LRP1B: variants seen among roughly 807,000 people sequenced by gnomAD.
The protein encoded by LRP1B is LDL receptor related protein 1B, also known as low-density lipoprotein receptor-related protein 1B.
Under a neutral mutation model 556.6 loss-of-function variants are expected in LRP1B, and 217 were observed. The observed-to-expected ratio is 0.39, with a 90% CI of 0.35 to 0.44. The LOEUF (loss-of-function observed/expected upper bound fraction) is 0.44. LRP1B is among the 20% of genes least tolerant of loss of function. The pLI, the probability that LRP1B is intolerant of heterozygous loss-of-function variation, is 1.00. For missense variants in LRP1B, 5,053 were observed against 5,620.8 expected (o/e 0.90, Z 3.23); for synonymous variants, 2,047 against 1,865.8 (o/e 1.10, Z -2.50).
intron 6 of LRP1B, among the ~76,000 whole-genome samples, chr2:141,189,075 A>G (rs893907266): frequency 1.3e-4 from 19 of 151,992 alleles, no homozygotes; most frequent in East Asian, 1.9e-4. Context: ...GTTTGAAAAA[A>G]TATCCAAAAC....
chr2:141,805,635 A>T (rs1696145244), intron 2 of LRP1B: 1 of 152,150 alleles, frequency 6.6e-6, no homozygotes, highest in African/African-American at 2.4e-5. Context: ...CGCTACTACA[A>T]CAAAGATTTG....
intron 35 of LRP1B, among the ~76,000 whole-genome samples, chr2:140,729,623 G>A (rs1687708276): frequency 2.0e-5 from 3 of 152,144 alleles, no homozygotes; most frequent in Admixed American, 2.0e-4. Context: ...AAGGCCATGT[G>A]TATTAAAGGA....
chr2:141,313,325 C>T (rs1465472462), intron 3 of LRP1B, among the ~76,000 whole-genome samples: 3 of 151,416 alleles, frequency 2.0e-5, no homozygotes, highest in African/African-American at 7.3e-5. Flanking sequence ...ATGCATACTC[C>T]TTAGAAATTT....
chr2:141,925,508 G>T (rs1700311035), intron 1 of LRP1B, among the ~76,000 whole-genome samples: 1 of 152,132 alleles, frequency 6.6e-6, no homozygotes, highest in Non-Finnish European at 1.5e-5. Flanking sequence ...AAATCTATTT[G>T]TGCTGAACAC....
intron 2 of LRP1B, among the ~76,000 whole-genome samples, chr2:141,802,357 T>A (rs1187924413): frequency 6.6e-6 from 1 of 152,106 alleles, no homozygotes; most frequent in South Asian, 2.1e-4. Context: ...ACCCAACCCC[T>A]TCTTCACCTA....
intron 30 of LRP1B, 51 bp from the exon 31 acceptor site, chr2:140,840,136 C>T: frequency 9.8e-7 from 1 of 1,022,182 alleles, no homozygotes; most frequent in Non-Finnish European, 1.5e-6. Flanking sequence ...GACCTACTCA[C>T]TGAGAAGAAA....
chr2:142,092,122 A>G (rs1559066673), intron 1 of LRP1B, among the ~76,000 whole-genome samples: 1 of 152,194 alleles, frequency 6.6e-6, no homozygotes, highest in African/African-American at 2.4e-5. Context: ...TCATCCAGGT[A>G]TCTTGTTTTC....
intron 8 of LRP1B, 82 bp from the exon 9 acceptor site, chr2:141,059,136 T>C (rs765100547): frequency 1.3e-5 from 11 of 878,122 alleles, no homozygotes; most frequent in African/African-American, 1.7e-5. Flanking sequence ...TATTTACTAG[T>C]ATGGAAAATG....
chr2:140,234,079 C>A (rs189376122), intron 90 of LRP1B, among the ~76,000 whole-genome samples: 2 of 151,170 alleles, frequency 1.3e-5, no homozygotes, highest in African/African-American at 4.8e-5. Flanking sequence ...TTTTTTGTTT[C>A]GTCTTTCCAA....
intron 60 of LRP1B, among the ~76,000 whole-genome samples, chr2:140,469,266 T>C (rs769259285): frequency 1.3e-5 from 2 of 152,136 alleles, no homozygotes; most frequent in Non-Finnish European, 2.9e-5. Context: ...GGTGCCCTTA[T>C]AAAAGAAACT....
At chr2:141,797,173 A>ATATATG (rs2105678198) in intron 2 of LRP1B, among the ~76,000 whole-genome samples, 1 of 137,202 alleles carries the variant, frequency 7.3e-6, no homozygotes, top group African/African-American at 2.8e-5. Flanking sequence ...ATATATATAT[A>ATATATG]TATATATATA....
chr2:140,390,037 G>C (rs1683946901), intron 66 of LRP1B, among the ~76,000 whole-genome samples: 1 of 152,062 alleles, frequency 6.6e-6, no homozygotes, highest in Non-Finnish European at 1.5e-5. Context: ...AGCTGAGGCA[G>C]GAGAATCACT....
chr2:141,093,102 G>A (rs1422298980), intron 7 of LRP1B, among the ~76,000 whole-genome samples: 1 of 151,476 alleles, frequency 6.6e-6, no homozygotes, highest in Non-Finnish European at 1.5e-5. Context: ...AGTCATCTAT[G>A]GGAATGATAA....
intron 1 of LRP1B, among the ~76,000 whole-genome samples, chr2:141,944,921 C>T (rs1018632283): frequency 1.2e-4 from 19 of 152,116 alleles, no homozygotes; most frequent in African/African-American, 2.4e-4. Flanking sequence ...CAAGAGTAAG[C>T]GTAGTTATCA....
At chr2:141,196,079 G>A (rs939498972) in intron 6 of LRP1B, among the ~76,000 whole-genome samples, 1 of 152,232 alleles carries the variant, frequency 6.6e-6, no homozygotes, top group Middle Eastern at 3.4e-3. Flanking sequence ...AAGATAGGCA[G>A]GGATATGTAA....
intron 2 of LRP1B, among the ~76,000 whole-genome samples, chr2:141,718,191 C>A (rs950979308): frequency 1.3e-5 from 2 of 152,196 alleles, no homozygotes; most frequent in Admixed American, 6.5e-5. Flanking sequence ...AAACATGCTC[C>A]ATTGACAGCA....
At chr2:140,846,718 A>T (rs1692284162) in intron 29 of LRP1B, among the ~76,000 whole-genome samples, 1 of 152,124 alleles carries the variant, frequency 6.6e-6, no homozygotes, top group South Asian at 2.1e-4. Context: ...GAAGCCCAAT[A>T]GAGAGACGAG....
At chr2:140,954,791 A>G (rs1695823914) in intron 18 of LRP1B, among the ~76,000 whole-genome samples, 1 of 152,002 alleles carries the variant, frequency 6.6e-6, no homozygotes, top group Non-Finnish European at 1.5e-5. Context: ...TATATATCAT[A>G]TGTGATTAAT....
At chr2:141,508,891 G>T (rs921846746) in intron 2 of LRP1B, among the ~76,000 whole-genome samples, 1 of 152,020 alleles carries the variant, frequency 6.6e-6, no homozygotes, top group African/African-American at 2.4e-5. Context: ...AATTTGTCCT[G>T]ATATAAAGTG....
Sources: gnomAD v4.1 joint callset for allele counts (sites outside exome capture counted in the v4.1 genomes callset) on GRCh38, gnomAD v4.1.1 for gene constraint, MANE v1.5 for transcripts, NCBI Gene and HGNC (gene_info 2026-07-23, HGNC 2026-07-21) for gene names.